The following PARD3 variants were observed in gnomAD, a reference collection of about 807,000 sequenced individuals.
PARD3 encodes the protein partitioning defective 3 homolog.
PARD3 carries 75 observed loss-of-function variants against 155.4 expected under a neutral mutation model. The observed-to-expected ratio is 0.48, with a 90% CI of 0.40 to 0.58. The LOEUF is 0.58. Ranked by LOEUF, PARD3 falls within the 20% of genes least tolerant of loss-of-function variation. The probability of loss-of-function intolerance (pLI) is 0.00; values close to 1 mark genes in which losing one functional copy is unlikely to be tolerated. For missense variants in PARD3, 1,642 were observed against 1,721.7 expected (o/e 0.95, Z 0.82); for synonymous variants, 576 against 610.5 (o/e 0.94, Z 0.83).
At chr10:34,754,418 T>C (rs750784550) in intron 1 of PARD3, among the ~76,000 whole-genome samples, 7 of 152,254 alleles carry the variant, frequency 4.6e-5, no homozygotes, top group Non-Finnish European at 8.8e-5. Flanking sequence ...ACCCGTCTTA[T>C]GAAACATCAC....
chr10:34,380,765 T>C (rs1442847618), intron 9 of PARD3, among the ~76,000 whole-genome samples: 1 of 152,200 alleles, frequency 6.6e-6, no homozygotes, highest in Non-Finnish European at 1.5e-5. Flanking sequence ...AATATTGCTG[T>C]ATCAGTGTAA....
At chr10:34,595,501 G>C (rs2089166724) in intron 2 of PARD3, among the ~76,000 whole-genome samples, 1 of 152,164 alleles carries the variant, frequency 6.6e-6, no homozygotes, top group Non-Finnish European at 1.5e-5. Context: ...TAAATTTCAA[G>C]TTGATTTCAC....
chr10:34,203,893 A>G (rs919776478), intron 22 of PARD3, among the ~76,000 whole-genome samples: 15 of 152,370 alleles, frequency 9.8e-5, no homozygotes, highest in Admixed American at 7.8e-4. Flanking sequence ...CATTTTGTTC[A>G]TGTGCAAGGG....
intron 3 of PARD3, among the ~76,000 whole-genome samples, chr10:34,500,422 T>C (rs1424894412): frequency 6.6e-6 from 1 of 152,178 alleles, no homozygotes; most frequent in Non-Finnish European, 1.5e-5. Context: ...TTTTTAAAGT[T>C]TCTGTCCAAA....
chr10:34,619,510 A>C (rs183666731), intron 2 of PARD3, among the ~76,000 whole-genome samples: 1 of 152,170 alleles, frequency 6.6e-6, no homozygotes, highest in Non-Finnish European at 1.5e-5. Context: ...CCTGCATTTT[A>C]TTGTATAGAA....
At position 34,164,213 on chromosome 10, in the gene PARD3, T is replaced by C. The variant is rs559556009; in HGVS notation, c.3420-32630A>G. ...CCATAAAAAAAACCTGCTTCTGTTT[T>C]TGTAACAACTTTGAAAGATGAATAG... On this transcript the variant is annotated intron_variant, in intron 22 of 24. Coordinates refer to ENST00000374788, the MANE Select transcript of PARD3 (RefSeq NM_001184785.2). Among the ~76,000 whole-genome samples the C allele has an allele frequency of 2.5e-4, 38 of 152,342 alleles. 2 individuals are homozygous for C. The highest frequency in any genetic ancestry group is 9.1e-4 in the African/African-American group (38 of 41,580).
At chr10:34,711,780 C>A (rs1165062329) in intron 1 of PARD3, among the ~76,000 whole-genome samples, 5 of 152,144 alleles carry the variant, frequency 3.3e-5, no homozygotes, top group Non-Finnish European at 5.9e-5. Context: ...CAGGCCTATG[C>A]TCTCCTAGCT....
chr10:34,352,220 G>C (rs1421476477), intron 14 of PARD3, among the ~76,000 whole-genome samples: 6 of 152,126 alleles, frequency 3.9e-5, no homozygotes, highest in Non-Finnish European at 8.8e-5. Flanking sequence ...TCATATAGAG[G>C]CTATTTTCAA....
chr10:34,343,333 T>C, intron 15 of PARD3: 1 of 970,612 alleles, frequency 1.0e-6, no homozygotes. Context: ...TTTTACACAA[T>C]ATATTCTGAG....
At chr10:34,776,892 A>G (rs577452186) in intron 1 of PARD3, among the ~76,000 whole-genome samples, 80 of 148,760 alleles carry the variant, frequency 5.4e-4, no homozygotes, top group African/African-American at 2.0e-3. Flanking sequence ...GCTGGAGTGC[A>G]ATGGCACAAT....
chr10:34,591,769 A>G (rs2134370554), intron 2 of PARD3, among the ~76,000 whole-genome samples: 1 of 152,328 alleles, frequency 6.6e-6, no homozygotes, highest in African/African-American at 2.4e-5. Flanking sequence ...TGGGTATGGT[A>G]CAACTGGTGC....
At chr10:34,165,823 A>G (rs540139849) in intron 22 of PARD3, among the ~76,000 whole-genome samples, 1 of 152,194 alleles carries the variant, frequency 6.6e-6, no homozygotes, top group South Asian at 2.1e-4. Context: ...GGTATATCCC[A>G]TATCAATGGT....
intron 14 of PARD3, among the ~76,000 whole-genome samples, chr10:34,353,001 C>T (rs887715923): frequency 1.5e-5 from 2 of 129,278 alleles, no homozygotes; most frequent in African/African-American, 5.1e-5. Context: ...ACCGCCACCC[C>T]GTCTGGGAGG....
At chr10:34,273,385 C>G (rs1955723459) in intron 21 of PARD3, among the ~76,000 whole-genome samples, 1 of 152,144 alleles carries the variant, frequency 6.6e-6, no homozygotes, top group Non-Finnish European at 1.5e-5. Flanking sequence ...AAAAAAACCC[C>G]AGTCAATCTC....
intron 2 of PARD3, among the ~76,000 whole-genome samples, chr10:34,584,002 T>A (rs1269681007): frequency 6.6e-6 from 1 of 152,200 alleles, no homozygotes; most frequent in Non-Finnish European, 1.5e-5. Flanking sequence ...AAATCATCAT[T>A]TATTAGAGCG....
chr10:34,209,875 G>T (rs1951655887), intron 22 of PARD3, among the ~76,000 whole-genome samples: 1 of 152,014 alleles, frequency 6.6e-6, no homozygotes, highest in African/African-American at 2.4e-5. Flanking sequence ...ACTGTATCAG[G>T]TAAGATATTT....
intron 19 of PARD3, among the ~76,000 whole-genome samples, chr10:34,323,836 C>T (rs1421655634): frequency 6.6e-6 from 1 of 152,150 alleles, no homozygotes; most frequent in Non-Finnish European, 1.5e-5. Context: ...TTCGCAAATT[C>T]GCTTTTAGTG....
chr10:34,734,625 A>G (rs2094880662), intron 1 of PARD3, among the ~76,000 whole-genome samples: 1 of 152,110 alleles, frequency 6.6e-6, no homozygotes, highest in Non-Finnish European at 1.5e-5. Context: ...AAAAGAGAAA[A>G]CAAAAAACTT....
At chr10:34,702,141 G>C (rs1336692872) in intron 1 of PARD3, among the ~76,000 whole-genome samples, 5 of 151,746 alleles carry the variant, frequency 3.3e-5, no homozygotes, top group African/African-American at 7.3e-5. Context: ...CTCCAGCCTG[G>C]GCAACAGCAA....
Sources: gnomAD v4.1 joint callset for allele counts (sites outside exome capture counted in the v4.1 genomes callset) on GRCh38, gnomAD v4.1.1 for gene constraint, MANE v1.5 for transcripts, NCBI Gene and HGNC (gene_info 2026-07-23, HGNC 2026-07-21) for gene names.